The following LYRM7 variants were observed in gnomAD, a reference collection of about 807,000 sequenced individuals.
LYRM7 encodes complex III assembly factor LYRM7.
Under a neutral mutation model 15.8 loss-of-function variants are expected in LYRM7, and 9 were observed. The ratio of observed to expected loss-of-function variants is 0.57; its 90% CI spans 0.34 to 0.99. The LOEUF is 0.99. LYRM7 is among the 50% of genes least tolerant of loss of function. LYRM7 has a pLI of 0.02. For synonymous variants in LYRM7, 39 were observed against 39.4 expected, an observed-to-expected ratio of 0.99 and a Z score of 0.04; for missense variants, 115 against 119.1, an observed-to-expected ratio of 0.97 and a Z score of 0.16.
chr5:131,171,280 GT>G (rs1417170202), intron 1 of LYRM7, among the ~76,000 whole-genome samples: 1 of 152,092 alleles, frequency 6.6e-6, no homozygotes, highest in African/African-American at 2.4e-5. Flanking sequence ...GGTACTCAGT[GT>G]TTATCCATGA....
At chr5:131,183,974 T>G (rs1455261673) in intron 3 of LYRM7, among the ~76,000 whole-genome samples, 1 of 152,158 alleles carries the variant, frequency 6.6e-6, no homozygotes, top group Admixed American at 6.6e-5. Flanking sequence ...TTGTTTTGTT[T>G]TTGTTTTTGT....
Position 131,203,924 on chromosome 5 carries a change from A to G in LYRM7, c.*4323A>G, listed in dbSNP as rs1756121635. On this transcript the variant is annotated 3_prime_UTR_variant, in exon 5 of 5. Transcript: ENST00000379380. ...AAATAAGAAATTCACAAAAGAAGAA[A>G]TACTAAGTCTCTAGTGATGAGAGAA... 1 of 152,334 alleles carries G rather than the reference A, an allele frequency of 6.6e-6. No homozygotes were observed. Among genetic ancestry groups the G allele is most frequent in the African/African-American group, 2.4e-5 (1 of 41,462 alleles). The allele number at this position is 152,334 out of a possible 1,614,324, so 9.4% of individuals were successfully genotyped here. A position where few individuals can be genotyped will look rare whatever the true frequency, so the allele number is the denominator to read the frequency against.
intron 1 of LYRM7, among the ~76,000 whole-genome samples, chr5:131,179,473 C>T (rs58246429): frequency 0.16 from 11,157 of 71,660 alleles, 90 homozygotes; most frequent in African/African-American, 0.17. Context: ...TTTTTTTTTT[C>T]TTTTTTTTTT....
rs1438467872 is a variant in LYRM7 at position 131,203,709 on chromosome 5, A to T, written c.*4108A>T. 1 of 152,424 alleles carries T rather than the reference A, an allele frequency of 6.6e-6. No individual in the cohort carries two copies. The highest frequency in any genetic ancestry group is 1.5e-5 in the Non-Finnish European group (1 of 68,096). 9.4% of individuals were successfully genotyped at this position (152,424 alleles called of 1,614,324 possible). A position where few individuals can be genotyped will look rare whatever the true frequency, so the allele number is the denominator to read the frequency against. The stretch of plus-strand genomic sequence containing the variant: ...ACTCCATCTCAAAAATAGAAAAAAC[A>T]TTTATCGAAATCCCAACAAGTTGAC... On this transcript the variant is annotated 3_prime_UTR_variant, in exon 5 of 5. Transcript: ENST00000379380.
chr5:131,179,794 G>T (rs1394700251), intron 1 of LYRM7, among the ~76,000 whole-genome samples: 2 of 152,082 alleles, frequency 1.3e-5, no homozygotes, highest in Admixed American at 6.5e-5. Context: ...AAATTAGCCA[G>T]GCTTGGTGGC....
chr5:131,182,879 C>T (rs1463695980), intron 3 of LYRM7, among the ~76,000 whole-genome samples: 3 of 152,034 alleles, frequency 2.0e-5, no homozygotes, highest in African/African-American at 7.3e-5. Context: ...TGTATTCTGG[C>T]ATATACATAT....
chr5:131,175,749 G>GGTTTGGTTTTGTTTTGTTTT (rs138957867), intron 1 of LYRM7, among the ~76,000 whole-genome samples: 3,187 of 151,078 alleles, frequency 0.021, 92 homozygotes, highest in African/African-American at 0.07. Flanking sequence ...TGCCCAGGCT[G>GGTTTGGTTTTGTTTTGTTTT]GTTTTGTTTT....
chr5:131,182,596 G>A (rs1462958525), intron 3 of LYRM7, among the ~76,000 whole-genome samples: 1 of 152,138 alleles, frequency 6.6e-6, no homozygotes. Flanking sequence ...GCAAGTGACT[G>A]GAACTAAAGA....
chr5:131,182,801 C>G (rs1048283424), intron 3 of LYRM7, among the ~76,000 whole-genome samples: 2 of 152,144 alleles, frequency 1.3e-5, no homozygotes, highest in Non-Finnish European at 2.9e-5. Context: ...ACTACTTTCT[C>G]AGCTCCCTAA....
chr5:131,190,520 C>T (rs1411925491), intron 4 of LYRM7, among the ~76,000 whole-genome samples: 7 of 144,382 alleles, frequency 4.8e-5, no homozygotes, highest in South Asian at 4.4e-4. Flanking sequence ...AACGGATTTT[C>T]GCTCTCGTCA....
chr5:131,171,026 A>C lies in LYRM7; in HGVS notation c.6A>C (p.Gly2=). The C allele has an allele frequency of 6.5e-7, 1 of 1,537,768 alleles. No homozygotes were observed. The highest frequency in any genetic ancestry group is 8.7e-7 in the Non-Finnish European group (1 of 1,151,132). M[G]RAVKVLQLFK... is the part of the protein sequence containing the mutation. ...CGGCCGCGGTGAGGAGAGCCATGGG[A>C]CGGGCAGTCAAGGTGACAGGGCCCG... The change falls in exon 1 of 5, where the codon GGA becomes GGC. Residue 2 remains glycine (G), a synonymous_variant. Coordinates refer to ENST00000379380, the MANE Select transcript of LYRM7 (RefSeq NM_181705.4).
chr5:131,185,056 G>A (rs987430842), intron 3 of LYRM7, among the ~76,000 whole-genome samples: 3 of 151,870 alleles, frequency 2.0e-5, no homozygotes, highest in Non-Finnish European at 4.4e-5. Flanking sequence ...CCGAGTCCAA[G>A]CCACCATCAT....
In LYRM7 at chr5:131,199,436, T is replaced by C. The variant is rs916065914; in HGVS notation, c.245-95T>C. Reference sequence around the variant, plus strand: ...GGAAGATTTATCTTAAAACTGGATATTTTACTATTTTAAATTTTAGGGGGA... The same window carrying C: ...GGAAGATTTATCTTAAAACTGGATACTTTACTATTTTAAATTTTAGGGGGA... On this transcript the variant is annotated intron_variant, in intron 4 of 4. Transcript: ENST00000379380. The C allele has an allele frequency of 4.9e-6, 4 of 817,572 alleles. No individual in the cohort carries two copies. The African/African-American group carries it at 7.0e-5, about 14-fold the overall frequency. 50.6% of individuals were successfully genotyped at this position (817,572 alleles called of 1,614,324 possible). A position where few individuals can be genotyped will look rare whatever the true frequency, so the allele number is the denominator to read the frequency against.
rs1418065459 is a variant in LYRM7 at position 131,180,195 on chromosome 5, C to T, written c.91+28C>T. 6 of 1,522,232 alleles carry T rather than the reference C, an allele frequency of 3.9e-6. No individual in the cohort carries two copies. The South Asian group carries it at 5.6e-5, about 14-fold the overall frequency. The allele number at this position is 1,522,232 out of a possible 1,614,324, so 94.3% of individuals were successfully genotyped here. A position where few individuals can be genotyped will look rare whatever the true frequency, so the allele number is the denominator to read the frequency against. On this transcript the variant is annotated intron_variant, in intron 2 of 4. Coordinates refer to ENST00000379380, the MANE Select transcript of LYRM7 (RefSeq NM_181705.4). Reference sequence around the variant, plus strand: ...AAGTATGTTCTTTACCCCTTTGGAGCCAGTCTACTTTTTAGATAACTACTA... The same window carrying T: ...AAGTATGTTCTTTACCCCTTTGGAGTCAGTCTACTTTTTAGATAACTACTA...
In LYRM7 at chr5:131,203,020, C is replaced by G. The variant is rs898797941; in HGVS notation, c.*3419C>G. On this transcript the variant is annotated 3_prime_UTR_variant, in exon 5 of 5. Transcript: ENST00000379380. Reference sequence around the variant, plus strand: ...GTTAGTTCTTATTTTCCTGTAGATGCATCTCACAGCATCAGTACAATACCA... The same window carrying G: ...GTTAGTTCTTATTTTCCTGTAGATGGATCTCACAGCATCAGTACAATACCA... 2.0e-5 allele frequency: 3 copies of G among 152,290 alleles called. No individual in the cohort carries two copies. The highest frequency in any genetic ancestry group is 7.2e-5 in the African/African-American group (3 of 41,434). 9.4% of individuals were successfully genotyped at this position (152,290 alleles called of 1,614,324 possible).
chr5:131,202,915 G>A lies in LYRM7; in HGVS notation c.*3314G>A, dbSNP rs1257753793. Reference sequence around the variant, plus strand: ...TTTGAGAAGCATATGTAGATTCGAAGCTGGGGGAATATGGCAGGTAGTTTG... The same window carrying A: ...TTTGAGAAGCATATGTAGATTCGAAACTGGGGGAATATGGCAGGTAGTTTG... On this transcript the variant is annotated 3_prime_UTR_variant, in exon 5 of 5. Transcript: ENST00000379380. 2 of 152,322 alleles carry A rather than the reference G, an allele frequency of 1.3e-5. No homozygotes were observed. The highest frequency in any genetic ancestry group is 1.3e-4 in the Admixed American group (2 of 15,272). 9.4% of individuals were successfully genotyped at this position (152,322 alleles called of 1,614,324 possible).
chr5:131,189,412 C>T (rs528562579), intron 4 of LYRM7, among the ~76,000 whole-genome samples: 1 of 121,094 alleles, frequency 8.3e-6, no homozygotes, highest in Non-Finnish European at 1.6e-5. Context: ...CACTGCCCTG[C>T]AGCCTGGGCA....
rs945060273 is a variant in LYRM7, at chr5:131,196,907, C to T, written c.245-2624C>T. Among the ~76,000 whole-genome samples the T allele has an allele frequency of 7.9e-5, 12 of 152,240 alleles. No individual in the cohort carries two copies. In the East Asian group the frequency reaches 1.2e-3, roughly 15 times the overall value. On this transcript the variant is annotated intron_variant, in intron 4 of 4. Coordinates refer to ENST00000379380, the MANE Select transcript of LYRM7 (RefSeq NM_181705.4). ...TCCTGACTTTGTGATCCGCCCACCT[C>T]GGCCTCCCAAAGTGCTGTGATTACA...
At chr5:131,196,436 G>A (rs965596341) in intron 4 of LYRM7, among the ~76,000 whole-genome samples, 22 of 151,948 alleles carry the variant, frequency 1.4e-4, no homozygotes, top group Admixed American at 7.9e-4. Context: ...GTGTCTATTC[G>A]GTGTTACTTC....
Sources: gnomAD v4.1 joint callset for allele counts (sites outside exome capture counted in the v4.1 genomes callset) on GRCh38, gnomAD v4.1.1 for gene constraint, MANE v1.5 for transcripts, NCBI Gene and HGNC (gene_info 2026-07-23, HGNC 2026-07-21) for gene names.